The following IGSF21 variants were observed in gnomAD, a reference collection of about 807,000 sequenced individuals.
IGSF21 encodes immunoglobulin superfamily member 21.
IGSF21 carries 28 observed loss-of-function variants against 46.8 expected under a neutral mutation model. The ratio of observed to expected loss-of-function variants is 0.60; its 90% confidence interval spans 0.44 to 0.82. The LOEUF (loss-of-function observed/expected upper bound fraction) is 0.82. IGSF21 is among the 40% of genes least tolerant of loss of function. The pLI is 0.00. For synonymous variants in IGSF21, 284 were observed against 273.6 expected (o/e 1.04, Z -0.38); for missense variants, 624 against 665.5 (o/e 0.94, Z 0.69).
chr1:18,356,243 G>T (rs1372407363), intron 4 of IGSF21, among the ~76,000 whole-genome samples: 1 of 152,168 alleles, frequency 6.6e-6, no homozygotes, highest in Non-Finnish European at 1.5e-5. Context: ...CAGATGAATG[G>T]TGCTGATGAG....
intron 2 of IGSF21, among the ~76,000 whole-genome samples, chr1:18,261,240 A>G (rs546392154): frequency 6.6e-6 from 1 of 152,328 alleles, no homozygotes; most frequent in East Asian, 1.9e-4. Context: ...GCTGGCCTAT[A>G]AAATGTTTTC....
intron 3 of IGSF21, among the ~76,000 whole-genome samples, chr1:18,293,085 T>C (rs2085282684): frequency 6.6e-6 from 1 of 152,118 alleles, no homozygotes; most frequent in African/African-American, 2.4e-5. Flanking sequence ...TACTGTGTTG[T>C]CTTTAGACTG....
intron 4 of IGSF21, among the ~76,000 whole-genome samples, chr1:18,349,212 T>A (rs896587560): frequency 6.6e-6 from 1 of 151,846 alleles, no homozygotes; most frequent in African/African-American, 2.4e-5. Context: ...CCAAATGGAG[T>A]GTCCAAGCCC....
chr1:18,239,245 C>A (rs79477879), intron 2 of IGSF21, among the ~76,000 whole-genome samples: 8,520 of 151,372 alleles, frequency 0.056, 740 homozygotes, highest in African/African-American at 0.19. Flanking sequence ...CTCCAGCACA[C>A]CAGTGAAAAG....
At chr1:18,171,529 G>A (rs11260942) in intron 1 of IGSF21, among the ~76,000 whole-genome samples, 86,900 of 151,994 alleles carry the variant, frequency 0.57, 25,184 homozygotes, top group Middle Eastern at 0.65. Context: ...GAAAGTTTTC[G>A]TTCTGGCTCT....
intron 3 of IGSF21, among the ~76,000 whole-genome samples, chr1:18,296,705 C>T (rs1359933465): frequency 6.6e-6 from 1 of 152,136 alleles, no homozygotes; most frequent in African/African-American, 2.4e-5. Flanking sequence ...GTCCTGAACC[C>T]CCTCCCCATG....
intron 1 of IGSF21, among the ~76,000 whole-genome samples, chr1:18,147,757 AG>A (rs2086483033): frequency 6.6e-6 from 1 of 152,162 alleles, no homozygotes; most frequent in Admixed American, 6.5e-5. Flanking sequence ...ACTTTGTGAA[AG>A]GTACTATTAT....
intron 4 of IGSF21, among the ~76,000 whole-genome samples, chr1:18,336,542 A>T (rs1211524270): frequency 6.6e-6 from 1 of 152,216 alleles, no homozygotes; most frequent in East Asian, 1.9e-4. Context: ...GGACCCAGGC[A>T]TCTTGACTCC....
chr1:18,134,628 GC>G lies in IGSF21; in HGVS notation c.70+26432del, dbSNP rs542939731. 6.8e-3 allele frequency among the ~76,000 whole-genome samples: 1,032 copies of G among 152,224 alleles called. 9 individuals carry two copies. The highest frequency in any genetic ancestry group is 0.017 in the South Asian group (80 of 4,812). ...GGGCTGTGGATGCACATGGGCATTG[GC>G]CTGGCCTCCTCAGTGCCCACCCCCC... On this transcript the variant is annotated intron_variant, in intron 1 of 9. Coordinates refer to ENST00000251296, the MANE Select transcript of IGSF21 (RefSeq NM_032880.5).
chr1:18,139,293 C>T (rs2086393558), intron 1 of IGSF21, among the ~76,000 whole-genome samples: 2 of 152,248 alleles, frequency 1.3e-5, no homozygotes, highest in Middle Eastern at 6.8e-3. Context: ...AAAATGCGGT[C>T]GCTGAACCAG....
intron 3 of IGSF21, among the ~76,000 whole-genome samples, chr1:18,318,057 G>T (rs188878044): frequency 1.4e-3 from 217 of 152,276 alleles, no homozygotes; most frequent in Admixed American, 4.6e-3. Context: ...CATGGGAAAG[G>T]TTCCCTGCAA....
intron 1 of IGSF21, among the ~76,000 whole-genome samples, chr1:18,127,671 G>A (rs1264268550): frequency 2.0e-5 from 3 of 152,166 alleles, no homozygotes; most frequent in East Asian, 1.9e-4. Context: ...GGGAGGCCAA[G>A]GTGGGCAGAT....
chr1:18,153,247 T>A (rs1289005387), intron 1 of IGSF21, among the ~76,000 whole-genome samples: 3 of 152,244 alleles, frequency 2.0e-5, no homozygotes, highest in Non-Finnish European at 4.4e-5. Flanking sequence ...AGCTTCACTG[T>A]CAACCATGGA....
intron 8 of IGSF21, 39 bp from the exon 9 acceptor site, chr1:18,377,354 C>T (rs1209689841): frequency 6.3e-7 from 1 of 1,594,452 alleles, no homozygotes; most frequent in Non-Finnish European, 8.6e-7. Context: ...CTCTGAAGGC[C>T]ATCCACCCTT....
intron 1 of IGSF21, among the ~76,000 whole-genome samples, chr1:18,123,303 G>A (rs1490125401): frequency 6.6e-6 from 1 of 152,188 alleles, no homozygotes; most frequent in Non-Finnish European, 1.5e-5. Context: ...AGAGAACCCT[G>A]GCAAAGAATA....
At chr1:18,177,407 G>A (rs865947466) in intron 1 of IGSF21, among the ~76,000 whole-genome samples, 14 of 151,292 alleles carry the variant, frequency 9.3e-5, no homozygotes, top group African/African-American at 3.2e-4. Context: ...GTGTGTGTGT[G>A]TGTGTGTGTG....
At chr1:18,331,040 A>C (rs2085707785) in intron 3 of IGSF21, among the ~76,000 whole-genome samples, 1 of 152,186 alleles carries the variant, frequency 6.6e-6, no homozygotes, top group African/African-American at 2.4e-5. Context: ...ATTTTTATCG[A>C]ATTGATATTG....
chr1:18,337,887 G>A lies in IGSF21; in HGVS notation c.424+2877G>A, dbSNP rs2085787859. 6.6e-6 allele frequency among the ~76,000 whole-genome samples: 1 copy of A among 152,202 alleles called. No individual in the cohort carries two copies. Among genetic ancestry groups the A allele is most frequent in the Admixed American group, 6.5e-5 (1 of 15,278 alleles). On this transcript the variant is annotated intron_variant, in intron 4 of 9. Transcript: ENST00000251296. The surrounding 1 kb of genome is among the most constrained non-coding windows in gnomAD (Gnocchi z 5.7). ...GAGACTGAGACCCAGGGAAGGGAATGAATTTGCTCCAGGCCTTATAGGGTG... is the reference window on the plus strand; with the variant it reads ...GAGACTGAGACCCAGGGAAGGGAATAAATTTGCTCCAGGCCTTATAGGGTG...
At chr1:18,364,709 C>T (rs1035637886) in intron 5 of IGSF21, among the ~76,000 whole-genome samples, 1 of 152,100 alleles carries the variant, frequency 6.6e-6, no homozygotes, top group East Asian at 1.9e-4. Flanking sequence ...TTTCTGCCTT[C>T]CATCTCCAAA....
Sources: gnomAD v4.1 joint callset for allele counts (sites outside exome capture counted in the v4.1 genomes callset) on GRCh38, gnomAD v4.1.1 for gene constraint, Gnocchi (gnomAD v3.1) non-coding constraint, MANE v1.5 for transcripts, NCBI Gene and HGNC (gene_info 2026-07-23, HGNC 2026-07-21) for gene names.